The following DLGAP2 variants were observed in gnomAD, a reference collection of about 807,000 sequenced individuals.
DLGAP2 encodes the protein disks large-associated protein 2.
DLGAP2 carries 26 observed loss-of-function variants against 100.3 expected under a neutral mutation model. That is an observed-to-expected ratio of 0.26 (90% CI 0.19 to 0.36). The LOEUF is 0.36. Among genes scored for constraint, DLGAP2 ranks in the 10% least tolerant of loss-of-function variants. DLGAP2 has a pLI of 1.00. For synonymous variants in DLGAP2, 886 were observed against 630.1 expected (o/e 1.41, Z -6.08); for missense variants, 1,858 against 1,453.2 (o/e 1.28, Z -4.53).
chr8:1,529,129 T>C (rs1052071362), intron 4 of DLGAP2, among the ~76,000 whole-genome samples: 1 of 152,214 alleles, frequency 6.6e-6, no homozygotes, highest in East Asian at 1.9e-4. Flanking sequence ...TCAGCATGGC[T>C]GGTGAGGCCT....
At chr8:1,307,636 G>C (rs969067592) in intron 3 of DLGAP2, among the ~76,000 whole-genome samples, 2 of 152,174 alleles carry the variant, frequency 1.3e-5, no homozygotes, top group Admixed American at 6.5e-5. Flanking sequence ...CACGTAAATG[G>C]ATGTATAAGC....
At chr8:1,004,424 G>A (rs932389563) in intron 2 of DLGAP2, among the ~76,000 whole-genome samples, 20 of 152,140 alleles carry the variant, frequency 1.3e-4, no homozygotes, top group Admixed American at 1.3e-3. Flanking sequence ...TTTCAAATAG[G>A]TGAGCTCTAC....
chr8:1,701,538 GAC>G lies in DLGAP2; in HGVS notation c.*136_*137del. On this transcript the variant is annotated 3_prime_UTR_variant, in exon 15 of 15. Coordinates refer to ENST00000637795, the MANE Select transcript of DLGAP2 (RefSeq NM_001346810.2). ...TCGCTCCCGCGCTCCCCGCGCCCCG[GAC>G]ACAGCGGGACGCGGCCGGCGGCCTC... The G allele has an allele frequency of 1.0e-6, 1 of 976,270 alleles. No homozygotes were observed. The highest frequency in any genetic ancestry group is 1.7e-5 in the South Asian group (1 of 58,138). 60.5% of individuals were successfully genotyped at this position (976,270 alleles called of 1,614,324 possible).
chr8:1,592,642 C>T (rs2130676886), intron 6 of DLGAP2, among the ~76,000 whole-genome samples: 1 of 152,238 alleles, frequency 6.6e-6, no homozygotes, highest in African/African-American at 2.4e-5. Context: ...GAAAATTTTC[C>T]ATTGGGAGAA....
chr8:1,203,380 G>A lies in DLGAP2; in HGVS notation c.74-55471G>A, dbSNP rs527855302. ...AATCCATGAGACTGGCGTGTCCTTC[G>A]GTGACGAGGCCGCCCACCCTTCGGT... On this transcript the variant is annotated intron_variant, in intron 2 of 14. Coordinates refer to ENST00000637795, the MANE Select transcript of DLGAP2 (RefSeq NM_001346810.2). 3.3e-5 allele frequency among the ~76,000 whole-genome samples: 5 copies of A among 151,686 alleles called. No homozygotes were observed. The South Asian group carries it at 6.3e-4, about 19-fold the overall frequency.
At chr8:1,078,258 T>C (rs1329356757) in intron 2 of DLGAP2, among the ~76,000 whole-genome samples, 1 of 152,206 alleles carries the variant, frequency 6.6e-6, no homozygotes, top group Middle Eastern at 3.2e-3. Context: ...ATAGAATTTA[T>C]TTTTAAGAGC....
intron 3 of DLGAP2, among the ~76,000 whole-genome samples, chr8:1,370,625 C>G (rs548284604): frequency 6.6e-6 from 1 of 152,314 alleles, no homozygotes; most frequent in South Asian, 2.1e-4. Context: ...ACAGGGAGCA[C>G]GGGGAGCTGT....
intron 3 of DLGAP2, among the ~76,000 whole-genome samples, chr8:1,349,595 GCCTCCTGCCC>G (rs1563098505): frequency 5.3e-4 from 73 of 138,950 alleles, no homozygotes; most frequent in Admixed American, 6.5e-4. Flanking sequence ...ACTATCATGA[GCCTCCTGCCC>G]ACATCCACGC....
At chr8:1,043,250 T>G (rs1585007653) in intron 2 of DLGAP2, among the ~76,000 whole-genome samples, 1 of 77,372 alleles carries the variant, frequency 1.3e-5, no homozygotes, top group Non-Finnish European at 2.6e-5. Context: ...GTGTGGGTGG[T>G]GGGTGTGGGT....
intron 2 of DLGAP2, among the ~76,000 whole-genome samples, chr8:1,211,074 C>G (rs929042116): frequency 6.6e-6 from 1 of 152,234 alleles, no homozygotes; most frequent in African/African-American, 2.4e-5. Flanking sequence ...ATGTGGAGAT[C>G]AAGTGAGGAT....
intron 2 of DLGAP2, among the ~76,000 whole-genome samples, chr8:968,302 C>T (rs548698039): frequency 6.6e-6 from 1 of 152,250 alleles, no homozygotes; most frequent in East Asian, 1.9e-4. Context: ...CTTTCAGCTA[C>T]CGACCCACCT....
chr8:851,764 C>T (rs980227137), intron 1 of DLGAP2, among the ~76,000 whole-genome samples: 4 of 152,170 alleles, frequency 2.6e-5, no homozygotes, highest in African/African-American at 7.2e-5. Flanking sequence ...ACGGAGACCA[C>T]GCCACGTGCC....
chr8:1,194,829 C>T (rs971057527), intron 2 of DLGAP2, among the ~76,000 whole-genome samples: 7 of 152,176 alleles, frequency 4.6e-5, no homozygotes, highest in Non-Finnish European at 8.8e-5. Flanking sequence ...ACCACTGTGA[C>T]GTGTGTGGCC....
chr8:1,135,704 A>G (rs941359068), intron 2 of DLGAP2, among the ~76,000 whole-genome samples: 1 of 152,084 alleles, frequency 6.6e-6, no homozygotes, highest in African/African-American at 2.4e-5. Flanking sequence ...CCTTCGTTTG[A>G]AAAAAGCCAA....
intron 2 of DLGAP2, among the ~76,000 whole-genome samples, chr8:927,369 G>A (rs1027892558): frequency 2.0e-5 from 3 of 152,262 alleles, no homozygotes; most frequent in Non-Finnish European, 4.4e-5. Context: ...TTGTGGGGGT[G>A]TGTTTAAAAC....
chr8:1,222,558 C>T lies in DLGAP2; in HGVS notation c.74-36293C>T, dbSNP rs371914220. On this transcript the variant is annotated intron_variant, in intron 2 of 14. Coordinates refer to ENST00000637795, the MANE Select transcript of DLGAP2 (RefSeq NM_001346810.2). The stretch of plus-strand genomic sequence containing the variant: ...GATGGTAAGTACGTAAGTGCACATG[C>T]ATGTATGTGCTGGCAAGATAGCAGG... Among the ~76,000 whole-genome samples the T allele has an allele frequency of 2.0e-5, 3 of 151,692 alleles. No individual in the cohort carries two copies. In the South Asian group the frequency reaches 6.2e-4, roughly 32 times the overall value.
chr8:1,367,183 T>TG (rs111563266), intron 3 of DLGAP2, among the ~76,000 whole-genome samples: 34 of 152,308 alleles, frequency 2.2e-4, no homozygotes, highest in African/African-American at 7.2e-4. Context: ...ATCTTAGGAA[T>TG]GGGGGGTTGG....
intron 2 of DLGAP2, among the ~76,000 whole-genome samples, chr8:1,030,440 G>A (rs1471245788): frequency 6.6e-6 from 1 of 152,170 alleles, no homozygotes; most frequent in Non-Finnish European, 1.5e-5. Context: ...ATCCAAAGGT[G>A]CCTGGGCTGA....
intron 1 of DLGAP2, among the ~76,000 whole-genome samples, chr8:869,520 G>A (rs555558986): frequency 6.6e-6 from 1 of 152,334 alleles, no homozygotes; most frequent in Non-Finnish European, 1.5e-5. Flanking sequence ...CGTGGAAAGT[G>A]ATAGCATGTC....
Sources: allele counts gnomAD v4.1 joint callset (sites outside exome capture counted in the v4.1 genomes callset), GRCh38; gene constraint gnomAD v4.1.1; transcripts MANE v1.5; gene names NCBI Gene and HGNC (gene_info 2026-07-23, HGNC 2026-07-21).